The following FHIT variants were observed in gnomAD, a reference collection of about 807,000 sequenced individuals.
FHIT encodes fragile histidine triad diadenosine triphosphatase.
In FHIT, 19 loss-of-function variants were observed where a neutral mutation model predicts 17.9. That is an observed-to-expected ratio of 1.06 (90% confidence interval 0.74 to 1.56). FHIT has a LOEUF of 1.56. Ranked by LOEUF, FHIT falls within the 40% of genes most tolerant of loss-of-function variation. The pLI, the probability that FHIT is intolerant of heterozygous loss-of-function variation, is 0.00. For missense variants in FHIT, 248 were observed against 189.2 expected (o/e 1.31, Z -1.82); for synonymous variants, 81 against 69.7 (o/e 1.16, Z -0.81).
At chr3:60,061,855 A>T (rs551645021) in intron 5 of FHIT, among the ~76,000 whole-genome samples, 6 of 152,218 alleles carry the variant, frequency 3.9e-5, no homozygotes, top group Non-Finnish European at 8.8e-5. Flanking sequence ...GACACGAGAG[A>T]TGAATTTCAG....
chr3:60,091,213 G>C (rs1343373811), intron 5 of FHIT, among the ~76,000 whole-genome samples: 2 of 152,176 alleles, frequency 1.3e-5, no homozygotes, highest in Non-Finnish European at 2.9e-5. Context: ...TTATTCTTAA[G>C]AGCTCACTCT....
At chr3:60,884,395 G>A (rs1462329714) in intron 3 of FHIT, among the ~76,000 whole-genome samples, 1 of 152,072 alleles carries the variant, frequency 6.6e-6, no homozygotes, top group East Asian at 1.9e-4. Flanking sequence ...TCAGGATATT[G>A]AAGAGATATC....
chr3:61,167,656 G>A (rs1471212504), intron 2 of FHIT, among the ~76,000 whole-genome samples: 17 of 139,604 alleles, frequency 1.2e-4, no homozygotes, highest in South Asian at 2.3e-4. Context: ...AGAAAGAAAA[G>A]AAAAGAGAAA....
chr3:60,405,483 A>G (rs1351170599), intron 5 of FHIT, among the ~76,000 whole-genome samples: 1 of 152,038 alleles, frequency 6.6e-6, no homozygotes, highest in East Asian at 1.9e-4. Context: ...TTCTTCTCTG[A>G]CCTCCTCACC....
rs765503321 is a variant in FHIT at position 60,011,419 on chromosome 3, C to A, written c.250-19G>T. The A allele has an allele frequency of 8.7e-6, 14 of 1,610,438 alleles. No individual in the cohort carries two copies. Among genetic ancestry groups the A allele is most frequent in the South Asian group, 4.4e-5 (4 of 91,020 alleles). The stretch of plus-strand genomic sequence containing the variant: ...GGCCATCCTAGAAGTAGGAAAAAAC[C>A]AACAGAGGTGAGAATAGATAGATGG... On this transcript the variant is annotated intron_variant, in intron 6 of 9. Coordinates refer to ENST00000492590, the MANE Select transcript of FHIT (RefSeq NM_002012.4).
intron 3 of FHIT, among the ~76,000 whole-genome samples, chr3:60,915,602 A>G (rs1706956530): frequency 6.6e-6 from 1 of 152,170 alleles, no homozygotes; most frequent in Non-Finnish European, 1.5e-5. Context: ...CTACATTTCC[A>G]TAAAGTCATG....
chr3:60,769,937 C>T (rs1699985364), intron 4 of FHIT, among the ~76,000 whole-genome samples: 1 of 152,110 alleles, frequency 6.6e-6, no homozygotes, highest in African/African-American at 2.4e-5. Context: ...TGAAACTGTC[C>T]AGTGGACATT....
intron 8 of FHIT, among the ~76,000 whole-genome samples, chr3:59,816,946 A>G (rs557556406): frequency 5.3e-5 from 8 of 152,324 alleles, no homozygotes; most frequent in African/African-American, 1.9e-4. Flanking sequence ...ACTCTTGAAT[A>G]GCATCTTGAT....
chr3:60,860,036 A>T (rs2106955956), intron 3 of FHIT, among the ~76,000 whole-genome samples: 1 of 149,100 alleles, frequency 6.7e-6, no homozygotes, highest in East Asian at 1.9e-4. Context: ...AAGTGGGACT[A>T]CATCTCAAAA....
rs571529567 is a variant in FHIT, at chr3:60,468,627, C to T, written c.103+68233G>A. The stretch of plus-strand genomic sequence containing the variant: ...AACTTTTTGTTGTTTCTGTTTATAT[C>T]ATACTATCTATGTCTTGAAAAGTTG... On this transcript the variant is annotated intron_variant, in intron 5 of 9. Coordinates refer to ENST00000492590, the MANE Select transcript of FHIT (RefSeq NM_002012.4). Among the ~76,000 whole-genome samples the T allele has an allele frequency of 9.9e-5, 15 of 152,130 alleles. No homozygotes were observed. In the East Asian group the frequency reaches 2.9e-3, roughly 29 times the overall value.
chr3:60,738,660 C>G (rs2042181002), intron 4 of FHIT, among the ~76,000 whole-genome samples: 1 of 152,224 alleles, frequency 6.6e-6, no homozygotes, highest in African/African-American at 2.4e-5. Context: ...TGGTCACGGA[C>G]AAGCAGTCTT....
chr3:60,166,134 T>C (rs1701160733), intron 5 of FHIT, among the ~76,000 whole-genome samples: 1 of 151,936 alleles, frequency 6.6e-6, no homozygotes, highest in African/African-American at 2.4e-5. Context: ...AAAAAGTGGC[T>C]AACATTGGCT....
chr3:60,810,870 A>G (rs1292537725), intron 4 of FHIT, among the ~76,000 whole-genome samples: 2 of 152,204 alleles, frequency 1.3e-5, no homozygotes, highest in Non-Finnish European at 2.9e-5. Flanking sequence ...ATAAACTGGA[A>G]TTGTTTTTAG....
chr3:60,136,390 C>T (rs1372747452), intron 5 of FHIT, among the ~76,000 whole-genome samples: 1 of 152,142 alleles, frequency 6.6e-6, no homozygotes, highest in South Asian at 2.1e-4. Context: ...TGTGCAAACC[C>T]AACTTAAATT....
In FHIT at chr3:60,842,851, TC is replaced by T. The variant is rs1702788510; in HGVS notation, c.-110-20841del. ...ATCACCCGTACTACTGTGCTATCCA[TC>T]CCAGCTGGGAAGACATGGTTCTTTA... On this transcript the variant is annotated intron_variant, in intron 3 of 9. Coordinates refer to ENST00000492590, the MANE Select transcript of FHIT (RefSeq NM_002012.4). 3.3e-5 allele frequency among the ~76,000 whole-genome samples: 5 copies of T among 151,952 alleles called. No individual in the cohort carries two copies. In the South Asian group the frequency reaches 1.0e-3, roughly 32 times the overall value.
rs181437355 is a variant in FHIT at position 61,130,272 on chromosome 3, T to G, written c.-164+70345A>C. ...ACTTCCTTTGCAAAAAGAACCTGTT[T>G]CTGCCATTTCCTTGACCATACAACT... On this transcript the variant is annotated intron_variant, in intron 2 of 9. Transcript: ENST00000492590. Among the ~76,000 whole-genome samples the G allele has an allele frequency of 2.0e-5, 3 of 152,328 alleles. No individual in the cohort carries two copies. The East Asian group carries it at 5.8e-4, about 29-fold the overall frequency.
At chr3:60,542,382 T>C (rs530987075) in intron 4 of FHIT, among the ~76,000 whole-genome samples, 4 of 152,350 alleles carry the variant, frequency 2.6e-5, no homozygotes, top group South Asian at 2.1e-4. Context: ...TTCTAAAATA[T>C]ATGCACCAGC....
chr3:60,977,341 C>CATGA (rs1245804380), intron 3 of FHIT, among the ~76,000 whole-genome samples: 1 of 152,154 alleles, frequency 6.6e-6, no homozygotes, highest in Non-Finnish European at 1.5e-5. Context: ...CCCTGGTGTT[C>CATGA]AGTCAATGGC....
chr3:60,337,675 T>C (rs112330793), intron 5 of FHIT, among the ~76,000 whole-genome samples: 1 of 152,014 alleles, frequency 6.6e-6, no homozygotes, highest in Non-Finnish European at 1.5e-5. Context: ...CTGCACTGAG[T>C]TGCTTTGATA....
Sources: gnomAD v4.1 joint callset for allele counts (sites outside exome capture counted in the v4.1 genomes callset) on GRCh38, gnomAD v4.1.1 for gene constraint, MANE v1.5 for transcripts, NCBI Gene and HGNC (gene_info 2026-07-23, HGNC 2026-07-21) for gene names.